Variants in PCDHA10 observed in about 807,000 individuals in gnomAD.
PCDHA10 encodes protocadherin alpha-10.
PCDHA10 carries 45 observed loss-of-function variants against 61.2 expected under a neutral mutation model. That is an observed-to-expected ratio of 0.74 (90% CI 0.58 to 0.94). PCDHA10 has a LOEUF of 0.94. Ranked by LOEUF, PCDHA10 falls within the 40% of genes least tolerant of loss-of-function variation. The pLI is 0.00. For missense variants in PCDHA10, 1,278 were observed against 1,236.2 expected (o/e 1.03, Z -0.51); for synonymous variants, 602 against 548.8 (o/e 1.10, Z -1.35).
chr5:140,928,571 C>T (rs369670852), intron 1 of PCDHA10: 1 of 1,614,180 alleles, frequency 6.2e-7, no homozygotes, highest in East Asian at 2.2e-5. Context: ...TTTCCCTTGC[C>T]CAGAAATGGT....
chr5:140,941,173 A>G (rs1235741316), intron 1 of PCDHA10, among the ~76,000 whole-genome samples: 5 of 135,522 alleles, frequency 3.7e-5, no homozygotes, highest in Non-Finnish European at 4.9e-5. Flanking sequence ...CCCCATCTTG[A>G]ACATCCTGCT....
intron 1 of PCDHA10, among the ~76,000 whole-genome samples, chr5:140,880,368 T>G (rs1372331901): frequency 6.6e-6 from 1 of 152,170 alleles, no homozygotes; most frequent in African/African-American, 2.4e-5. Context: ...ATGAAAACCA[T>G]GAGAGAATAG....
intron 1 of PCDHA10, among the ~76,000 whole-genome samples, chr5:140,916,847 C>T (rs1276107761): frequency 1.3e-5 from 2 of 152,116 alleles, no homozygotes; most frequent in Non-Finnish European, 2.9e-5. Flanking sequence ...GAGCCCAGCC[C>T]AGCACTAGGA....
intron 3 of PCDHA10, among the ~76,000 whole-genome samples, chr5:140,990,570 C>T (rs142596715): frequency 7.2e-4 from 110 of 152,260 alleles, no homozygotes; most frequent in African/African-American, 2.4e-3. Context: ...CACACCTGTT[C>T]GATCTCTTTT....
At chr5:140,960,279 T>A (rs1220391317) in intron 1 of PCDHA10, among the ~76,000 whole-genome samples, 1 of 152,216 alleles carries the variant, frequency 6.6e-6, no homozygotes, top group African/African-American at 2.4e-5. Flanking sequence ...GTCACCTTTT[T>A]GGGACCCAGT....
intron 1 of PCDHA10, chr5:140,883,557 G>A (rs868923862): frequency 6.2e-7 from 1 of 1,614,214 alleles, no homozygotes; most frequent in Non-Finnish European, 8.5e-7. Flanking sequence ...GCGCGGGACG[G>A]GGGCTCGCCT....
chr5:140,990,649 T>C (rs1465284882), intron 3 of PCDHA10, among the ~76,000 whole-genome samples: 1 of 152,212 alleles, frequency 6.6e-6, no homozygotes, highest in African/African-American at 2.4e-5. Context: ...TCAGCCAGTA[T>C]GAATGATTTA....
intron 1 of PCDHA10, chr5:140,883,049 G>A: frequency 6.2e-7 from 1 of 1,614,182 alleles, no homozygotes; most frequent in South Asian, 1.1e-5. Context: ...TGGAACATTA[G>A]TGATCAAGCT....
chr5:140,945,998 A>G (rs246057), intron 1 of PCDHA10, among the ~76,000 whole-genome samples: 85,388 of 151,608 alleles, frequency 0.56, 24,621 homozygotes, highest in African/African-American at 0.69. Context: ...GATTGCATCA[A>G]ACTAAAAAGC....
At chr5:140,927,300 C>T (rs2084061617) in intron 1 of PCDHA10, 2 of 1,614,052 alleles carry the variant, frequency 1.2e-6, no homozygotes, top group South Asian at 2.2e-5. Flanking sequence ...TCCCCGAGTT[C>T]CTGACGCCCG....
chr5:140,859,677 A>G (rs942745951), intron 1 of PCDHA10: 1 of 154,782 alleles, frequency 6.5e-6, no homozygotes, highest in South Asian at 2.0e-4. Context: ...GCTTCAAATA[A>G]AATTAAAATT....
chr5:140,862,341 T>G, intron 1 of PCDHA10: 1 of 331,140 alleles, frequency 3.0e-6, no homozygotes, highest in Non-Finnish European at 6.0e-6. Flanking sequence ...GACCCTAACT[T>G]CAGTGCCAAG....
intron 1 of PCDHA10, chr5:140,865,066 G>A (rs1299001288): frequency 1.3e-5 from 2 of 152,140 alleles, no homozygotes; most frequent in African/African-American, 4.8e-5. Flanking sequence ...AATAACTTAA[G>A]TATAAGAACC....
chr5:140,864,396 G>A (rs2048459702), intron 1 of PCDHA10: 1 of 152,210 alleles, frequency 6.6e-6, no homozygotes, highest in Non-Finnish European at 1.5e-5. Context: ...CACAAATGGT[G>A]ATGAGCAGGG....
intron 1 of PCDHA10, chr5:140,883,208 A>G: frequency 6.2e-7 from 1 of 1,614,034 alleles, no homozygotes; most frequent in Non-Finnish European, 8.5e-7. Flanking sequence ...CGAAGAAAAG[A>G]AATTATATGA....
rs1554262487 is a variant in PCDHA10, at chr5:141,009,847, G to T, written c.2757G>T (p.Glu919Asp). ...TCATAACCTTCGGCAAAAAGGAGGA[G>T]ACCAAGAAAAAGAAGAAAAAGAAGA... ...SDFITFGKKE[E>D]TKKKKKKKKG... Residue 919 changes from glutamate (E) to aspartate (D), a missense_variant, in exon 4 of 4, where the codon GAG (glutamate) becomes GAT (aspartate). Glu to Asp is a conservative substitution (Grantham distance 45). Coordinates refer to ENST00000307360, the MANE Select transcript of PCDHA10 (RefSeq NM_018901.4). 1 of 1,613,870 alleles carries T rather than the reference G, an allele frequency of 6.2e-7. No homozygotes were observed. Among genetic ancestry groups the T allele is most frequent in the Non-Finnish European group, 8.5e-7 (1 of 1,180,010 alleles).
intron 1 of PCDHA10, among the ~76,000 whole-genome samples, chr5:140,890,993 AT>A (rs2062889744): frequency 6.6e-6 from 1 of 152,134 alleles, no homozygotes; most frequent in Non-Finnish European, 1.5e-5. Flanking sequence ...TTATTTCATC[AT>A]AATTATTGAA....
chr5:140,965,011 A>T (rs1418726287), intron 1 of PCDHA10, among the ~76,000 whole-genome samples: 1 of 152,186 alleles, frequency 6.6e-6, no homozygotes, highest in Non-Finnish European at 1.5e-5. Context: ...TGTCAGGATC[A>T]CAACCTTGGC....
At chr5:140,864,365 AT>A (rs1190318637) in intron 1 of PCDHA10, 4 of 152,220 alleles carry the variant, frequency 2.6e-5, no homozygotes, top group Non-Finnish European at 5.9e-5. Flanking sequence ...TTATCTTTCT[AT>A]AATCGATAAG....
Sources: allele counts gnomAD v4.1 joint callset (sites outside exome capture counted in the v4.1 genomes callset), GRCh38; gene constraint gnomAD v4.1.1; transcripts MANE v1.5; gene names NCBI Gene and HGNC (gene_info 2026-07-23, HGNC 2026-07-21).